The following CENPE variants were observed in gnomAD, a reference collection of about 807,000 sequenced individuals.
The protein encoded by CENPE is centromere protein E.
In CENPE, 145 loss-of-function variants were observed where a neutral mutation model predicts 336.1. The ratio of observed to expected loss-of-function variants is 0.43; its 90% CI spans 0.38 to 0.50. The LOEUF is 0.50. Among genes scored for constraint, CENPE ranks in the 20% least tolerant of loss-of-function variants. The probability of loss-of-function intolerance (pLI) is 0.00; values close to 1 mark genes in which losing one functional copy is unlikely to be tolerated. For synonymous variants in CENPE, 1,013 were observed against 984.8 expected (o/e 1.03, Z -0.54); for missense variants, 2,719 against 3,023.3 (o/e 0.90, Z 2.36).
rs755028755 is a variant in CENPE, at chr4:103,108,876, A to C, written c.7938T>G (p.Asp2646Glu). The C allele has an allele frequency of 6.2e-7, 1 of 1,613,974 alleles. No homozygotes were observed. The highest frequency in any genetic ancestry group is 1.7e-5 in the Admixed American group (1 of 60,012). Residue 2646 changes from aspartate to glutamate, a missense_variant, in exon 48 of 49, where the codon GAT becomes GAG. By Grantham distance (45) the Asp-to-Glu change is conservative. Coordinates refer to ENST00000265148, the MANE Select transcript of CENPE (RefSeq NM_001813.3). ...PKESPKSCFFDSRSKSLPSPH... is the reference protein window; with the variant it reads ...PKESPKSCFFESRSKSLPSPH... The stretch of plus-strand genomic sequence containing the variant: ...GTGATGGTAAAGACTTTGATCGGCT[A>C]TCAAAAAAACAAGATTTTGGTGATT...
rs569245428 is a variant in CENPE, at chr4:103,193,683, T to A, written c.693+546A>T. ...AAATCTATATTAGACATAAAATAGG[T>A]ATAATGTGTTGGGGCTACCAGGATG... On this transcript the variant is annotated intron_variant, in intron 8 of 48. Transcript: ENST00000265148. Among the ~76,000 whole-genome samples the A allele has an allele frequency of 7.9e-5, 12 of 152,260 alleles. No homozygotes were observed. In the South Asian group the frequency reaches 2.5e-3, roughly 32 times the overall value.
At chr4:103,164,895 C>T (rs776552680) in intron 16 of CENPE, among the ~76,000 whole-genome samples, 3 of 151,944 alleles carry the variant, frequency 2.0e-5, no homozygotes, top group Non-Finnish European at 4.4e-5. Flanking sequence ...ATCACATTTA[C>T]CAATAAGAAA....
intron 48 of CENPE, among the ~76,000 whole-genome samples, chr4:103,108,414 A>G (rs1314912994): frequency 6.6e-6 from 1 of 152,194 alleles, no homozygotes; most frequent in Non-Finnish European, 1.5e-5. Context: ...ATGAATAAGT[A>G]AATGATTCAT....
intron 46 of CENPE, among the ~76,000 whole-genome samples, chr4:103,113,516 T>C (rs1335191316): frequency 2.9e-5 from 4 of 139,946 alleles, no homozygotes; most frequent in East Asian, 4.0e-4. Context: ...TATATTATAA[T>C]ATATATTATA....
Position 103,153,192 on chromosome 4 carries a change from G to A in CENPE, c.3092C>T (p.Ala1031Val), listed in dbSNP as rs912396157. The change falls in exon 25 of 49, where the codon GCA (alanine) becomes GTA (valine). Residue 1031 changes from alanine (A) to valine (V), a missense_variant. Transcript: ENST00000265148. ...AATTATCTCATTATCCTTAACATCT[G>A]CAGTTAGTGTTTGGGTATTTTTAGC... Reference protein sequence around the residue: ...LEAKNTQTLTADVKDNEIIEQ... With the variant: ...LEAKNTQTLTVDVKDNEIIEQ... 2.5e-5 allele frequency: 40 copies of A among 1,612,628 alleles called. No individual in the cohort carries two copies. In the Admixed American group the frequency reaches 6.3e-4, roughly 26 times the overall value.
chr4:103,147,430 G>A lies in CENPE; in HGVS notation c.4060C>T (p.Leu1354Phe), dbSNP rs1248924215. 3 of 1,613,718 alleles carry A rather than the reference G, an allele frequency of 1.9e-6. No individual in the cohort carries two copies. The highest frequency in any genetic ancestry group is 1.3e-5 in the African/African-American group (1 of 74,882). Residue 1354 changes from leucine (L) to phenylalanine (F), a missense_variant, in exon 29 of 49, where the codon CTT becomes TTT. By Grantham distance (22) the Leu-to-Phe change is conservative. This residue lies in a region of CENPE where 2,437 missense variants were observed against 2,513.3 expected (regional missense o/e 0.97). Coordinates refer to ENST00000265148, the MANE Select transcript of CENPE (RefSeq NM_001813.3). ...TCAAGGGCTTCTTTTATCGTTTTAAGGTTGTCTCTTTCCTTGGTTAGAGAT... is the reference window on the plus strand; with the variant it reads ...TCAAGGGCTTCTTTTATCGTTTTAAAGTTGTCTCTTTCCTTGGTTAGAGAT... Reference protein sequence around the residue: ...IKSLTKERDNLKTIKEALEVK... With the variant: ...IKSLTKERDNFKTIKEALEVK...
At chr4:103,188,270 G>C (rs1756981474) in intron 8 of CENPE, among the ~76,000 whole-genome samples, 3 of 152,260 alleles carry the variant, frequency 2.0e-5, no homozygotes, top group Middle Eastern at 3.4e-3. Context: ...TCCAGGAATT[G>C]AACTCAGCTC....
At position 103,176,928 on chromosome 4, in the gene CENPE, G is replaced by A. The variant is rs1755919764; in HGVS notation, c.1361C>T (p.Ser454Phe). 1.3e-6 allele frequency: 2 copies of A among 1,564,718 alleles called. 1 individual carries two copies. Among genetic ancestry groups the A allele is most frequent in the East Asian group, 4.7e-5 (2 of 42,762 alleles). The change falls in exon 14 of 49, where the codon TCT (serine) becomes TTT (phenylalanine). Residue 454 changes from serine to phenylalanine, a missense_variant. By Grantham distance (155) the Ser-to-Phe change is radical (BLOSUM62 -2). Transcript: ENST00000265148. ...ATCAATTTCTCGTAATAAATTTATA[G>A]AAAGCTTATGTGTTTTTGTTGTTAT... is the stretch of plus-strand genomic sequence containing the variant. The part of the protein sequence containing the change: ...TNITTKTHKL[S>F]INLLREIDES...
chr4:103,117,599 TA>T (rs1286186846), intron 44 of CENPE, among the ~76,000 whole-genome samples: 1 of 151,318 alleles, frequency 6.6e-6, no homozygotes, highest in African/African-American at 2.4e-5. Flanking sequence ...CAATGTGTAT[TA>T]AAAGTCCACT....
At chr4:103,136,513 T>G (rs556901199) in intron 39 of CENPE, among the ~76,000 whole-genome samples, 154 bp from the exon 40 acceptor site, 1 of 152,334 alleles carries the variant, frequency 6.6e-6, no homozygotes, top group South Asian at 2.1e-4. Context: ...AGGAAACTCT[T>G]GTTGTCATTT....
chr4:103,145,795 A>T, intron 30 of CENPE, 34 bp downstream of exon 30: 1 of 1,556,548 alleles, frequency 6.4e-7, no homozygotes, highest in Non-Finnish European at 8.6e-7. Context: ...GTTACAAAAT[A>T]TTTTTTAAAA....
intron 48 of CENPE, among the ~76,000 whole-genome samples, chr4:103,107,886 G>A (rs1749032220): frequency 6.6e-6 from 1 of 152,136 alleles, no homozygotes; most frequent in Admixed American, 6.6e-5. Flanking sequence ...TCCTGCCATT[G>A]CTTAAGATCT....
intron 22 of CENPE, 34 bp from the exon 23 acceptor site, chr4:103,158,920 A>T: frequency 1.3e-6 from 2 of 1,573,654 alleles, no homozygotes; most frequent in Non-Finnish European, 1.7e-6. Context: ...TCACACAGTA[A>T]AAGCAGAGCA....
intron 26 of CENPE, 73 bp from the exon 27 acceptor site, chr4:103,149,481 C>G: frequency 7.7e-7 from 1 of 1,303,808 alleles, no homozygotes. Flanking sequence ...TCATTAACAG[C>G]CTTGCCTCCT....
intron 40 of CENPE, among the ~76,000 whole-genome samples, chr4:103,135,125 G>C (rs1751954850): frequency 6.6e-6 from 1 of 152,132 alleles, no homozygotes; most frequent in Non-Finnish European, 1.5e-5. Context: ...CTGCCTCTTA[G>C]ACATTTATCT....
At chr4:103,163,608 C>CAAAA (rs11315612) in intron 16 of CENPE, 55 bp from the exon 17 acceptor site, 19 of 304,432 alleles carry the variant, frequency 6.2e-5, no homozygotes, top group Admixed American at 7.0e-5. Context: ...TAAAGCAAAG[C>CAAAA]AAAAAAAAAA....
At position 103,163,563 on chromosome 4, in the gene CENPE, C is replaced by T; in HGVS notation, c.1648-10G>A. ...CATGAATTAGTTGCATCTGTAAGAG[C>T]ATGTGAACAGGTAACAGAGCAAACC... On this transcript the variant is annotated splice_polypyrimidine_tract_variant and intron_variant, in intron 16 of 48. Transcript: ENST00000265148. 7.3e-7 allele frequency: 1 copy of T among 1,362,578 alleles called. No homozygotes were observed. The highest frequency in any genetic ancestry group is 9.9e-7 in the Non-Finnish European group (1 of 1,007,968). 84.4% of individuals were successfully genotyped at this position (1,362,578 alleles called of 1,614,324 possible). A position where few individuals can be genotyped will look rare whatever the true frequency, so the allele number is the denominator to read the frequency against.
At chr4:103,124,086 A>G (rs1470710799) in intron 42 of CENPE, among the ~76,000 whole-genome samples, 1 of 152,204 alleles carries the variant, frequency 6.6e-6, no homozygotes, top group Non-Finnish European at 1.5e-5. Context: ...TAATTTATAA[A>G]TTAAACTTTA....
chr4:103,186,292 G>C (rs1578683286), intron 8 of CENPE, among the ~76,000 whole-genome samples: 1 of 152,018 alleles, frequency 6.6e-6, no homozygotes, highest in South Asian at 2.1e-4. Context: ...GTTCTATTCT[G>C]TCCTTATTCT....
Sources: allele counts gnomAD v4.1 joint callset (sites outside exome capture counted in the v4.1 genomes callset), GRCh38; gene constraint gnomAD v4.1.1; regional missense constraint gnomAD v4.1.1; transcripts MANE v1.5; gene names NCBI Gene and HGNC (gene_info 2026-07-23, HGNC 2026-07-21).